TEX9: variants seen among roughly 807,000 people sequenced by gnomAD.
The protein encoded by TEX9 is testis-expressed protein 9.
Under a neutral mutation model 59.6 loss-of-function variants are expected in TEX9, and 74 were observed. The ratio of observed to expected loss-of-function variants is 1.24; its 90% CI spans 1.03 to 1.51. The LOEUF (loss-of-function observed/expected upper bound fraction) is 1.51, where lower values mean the gene tolerates loss of function less well. Ranked by LOEUF, TEX9 falls within the 40% of genes most tolerant of loss-of-function variation. The pLI is 0.00. For synonymous variants in TEX9, 186 were observed against 152.2 expected (o/e 1.22, Z -1.64); for missense variants, 522 against 447.8 (o/e 1.17, Z -1.49).
At chr15:56,447,908 T>C (rs1330745664), downstream of TEX9, among the ~76,000 whole-genome samples, 1 of 152,202 alleles carries the variant, frequency 6.6e-6, no homozygotes, top group East Asian at 1.9e-4. Context: ...ATAGTGCAGG[T>C]ACCATTTTTC....
chr15:56,435,859 G>C (rs1163336849), intron 12 of TEX9, among the ~76,000 whole-genome samples: 1 of 151,902 alleles, frequency 6.6e-6, no homozygotes, highest in Non-Finnish European at 1.5e-5. Flanking sequence ...AAAAATTACA[G>C]ACCAATATTC....
chr15:56,304,970 G>A lies in TEX9; in HGVS notation c.-107+60692G>A, dbSNP rs559142684. On this transcript the variant is annotated intron_variant, in intron 1 of 5. Transcript: ENST00000560827. ...ACTCCTGTGACTCAAGCGAAGCATT[G>A]AGCATTTCTATATGCCAACAGTGAA... is the stretch of plus-strand genomic sequence containing the variant. Among the ~76,000 whole-genome samples the A allele has an allele frequency of 1.1e-4, 16 of 152,226 alleles. No individual in the cohort carries two copies. In the South Asian group the frequency reaches 3.3e-3, roughly 32 times the overall value.
At chr15:56,299,794 G>A (rs1484788396) in intron 1 of TEX9, among the ~76,000 whole-genome samples, 1 of 152,078 alleles carries the variant, frequency 6.6e-6, no homozygotes, top group African/African-American at 2.4e-5. Flanking sequence ...AGCCAGAAGA[G>A]AACCTGCTGC....
chr15:56,454,615 T>A, the TEX9 span, among the ~76,000 whole-genome samples: 90 of 152,276 alleles, frequency 5.9e-4, no homozygotes, highest in African/African-American at 2.2e-3. Context: ...TTTAAAAGTT[T>A]TATTAGGATG....
intron 1 of TEX9, among the ~76,000 whole-genome samples, chr15:56,351,703 T>A (rs2046583914): frequency 6.6e-6 from 1 of 152,216 alleles, no homozygotes; most frequent in South Asian, 2.1e-4. Flanking sequence ...GCAGTTACCA[T>A]AATATTGAAC....
At chr15:56,286,706 C>T (rs1209928559) in intron 1 of TEX9, among the ~76,000 whole-genome samples, 1 of 152,062 alleles carries the variant, frequency 6.6e-6, no homozygotes, top group East Asian at 1.9e-4. Context: ...TTTTCCTGAG[C>T]CAGTGCAATG....
At chr15:56,384,148 A>T (rs1225766251) in intron 4 of TEX9, 117 bp downstream of exon 4, 1 of 743,306 alleles carries the variant, frequency 1.3e-6, no homozygotes, top group Admixed American at 2.8e-5. Context: ...TAATGTATAT[A>T]TAGGGGGCTT....
intron 1 of TEX9, among the ~76,000 whole-genome samples, chr15:56,290,038 G>A (rs1400884577): frequency 6.6e-6 from 1 of 152,196 alleles, no homozygotes; most frequent in Admixed American, 6.5e-5. Context: ...AACTATTGCA[G>A]TGTCTCTGGT....
intron 1 of TEX9, among the ~76,000 whole-genome samples, chr15:56,353,264 C>G (rs1250574545): frequency 1.3e-5 from 2 of 152,212 alleles, no homozygotes; most frequent in African/African-American, 4.8e-5. Flanking sequence ...CCTCTCAAGA[C>G]AGCCATGACT....
chr15:56,408,082 G>A (rs2049164061), intron 9 of TEX9, among the ~76,000 whole-genome samples: 1 of 152,114 alleles, frequency 6.6e-6, no homozygotes, highest in African/African-American at 2.4e-5. Flanking sequence ...AACTTCTTTA[G>A]ATCTTACATC....
At chr15:56,459,777 G>T in the TEX9 span, among the ~76,000 whole-genome samples, 1 of 151,118 alleles carries the variant, frequency 6.6e-6, no homozygotes, top group African/African-American at 2.4e-5. Context: ...GATCATCTTA[G>T]GTTGGGAGTT....
intron 1 of TEX9, among the ~76,000 whole-genome samples, chr15:56,320,613 T>G (rs78924658): frequency 0.044 from 6,694 of 152,300 alleles, 226 homozygotes; most frequent in Admixed American, 0.086. Flanking sequence ...GTCCAATCCC[T>G]GTGACCTCAT....
At chr15:56,310,182 G>A (rs2947020) in intron 1 of TEX9, among the ~76,000 whole-genome samples, 41,968 of 151,968 alleles carry the variant, frequency 0.28, 6,544 homozygotes, top group East Asian at 0.34. Context: ...CTGTAATCCC[G>A]ACACTTTGGG....
chr15:56,434,579 C>T (rs56214046), intron 12 of TEX9, among the ~76,000 whole-genome samples: 1 of 152,068 alleles, frequency 6.6e-6, no homozygotes, highest in Non-Finnish European at 1.5e-5. Context: ...AATATGCTTA[C>T]ATTTGGATTG....
chr15:56,407,465 C>G (rs1346524715), intron 9 of TEX9, among the ~76,000 whole-genome samples: 5 of 152,090 alleles, frequency 3.3e-5, no homozygotes, highest in African/African-American at 1.2e-4. Flanking sequence ...TCCACTTCAT[C>G]TAAGTCAGAT....
At chr15:56,377,185 A>G (rs1290512111) in intron 3 of TEX9, among the ~76,000 whole-genome samples, 1 of 152,044 alleles carries the variant, frequency 6.6e-6, no homozygotes, top group Admixed American at 6.6e-5. Context: ...AAGCCAGGTA[A>G]TGTGATTTCT....
At chr15:56,430,505 C>CAGTT (rs1350227382) in intron 12 of TEX9, among the ~76,000 whole-genome samples, 5 of 152,170 alleles carry the variant, frequency 3.3e-5, no homozygotes, top group Non-Finnish European at 7.4e-5. Flanking sequence ...CATGCCCAGC[C>CAGTT]AGTTACTATT....
intron 1 of TEX9, among the ~76,000 whole-genome samples, chr15:56,339,588 T>C (rs1335888573): frequency 6.6e-6 from 1 of 151,982 alleles, no homozygotes; most frequent in African/African-American, 2.4e-5. Context: ...GTAATAAAAA[T>C]ACCACATTCA....
rs200180212 is a variant in TEX9, at chr15:56,384,036, G to A, written c.263+5G>A. On this transcript the variant is annotated splice_donor_5th_base_variant and intron_variant, in intron 4 of 12. Coordinates refer to ENST00000352903, the Ensembl canonical transcript of TEX9. Reference sequence around the variant, plus strand: ...CGAAGATGATTACAGTTTAAGGTAAGTATCTTAAATTCTCAAGCACCTTCT... The same window carrying A: ...CGAAGATGATTACAGTTTAAGGTAAATATCTTAAATTCTCAAGCACCTTCT... The A allele has an allele frequency of 3.1e-6, 5 of 1,606,538 alleles. No homozygotes were observed. Among genetic ancestry groups the A allele is most frequent in the East Asian group, 4.5e-5 (2 of 44,756 alleles).
Sources: gnomAD v4.1 joint callset for allele counts (sites outside exome capture counted in the v4.1 genomes callset) on GRCh38, gnomAD v4.1.1 for gene constraint, MANE v1.5 for transcripts, NCBI Gene and HGNC (gene_info 2026-07-23, HGNC 2026-07-21) for gene names.